The following IDO2 variants were observed in gnomAD, a reference collection of about 807,000 sequenced individuals.
The protein encoded by IDO2 is indoleamine 2,3-dioxygenase 2, also known as indoleamine 2,3-dioxygenase-like 1 protein.
In IDO2, 46 loss-of-function variants were observed where a neutral mutation model predicts 45.1. The ratio of observed to expected loss-of-function variants is 1.02; its 90% CI spans 0.80 to 1.30. The LOEUF is 1.30. Ranked by LOEUF, IDO2 falls within the 50% of genes most tolerant of loss-of-function variation. IDO2 has a pLI of 0.00. For missense variants in IDO2, 544 were observed against 491.8 expected, an observed-to-expected ratio of 1.11 and a Z score of -1.00; for synonymous variants, 218 against 184.9, an observed-to-expected ratio of 1.18 and a Z score of -1.45.
At chr8:39,975,576 T>G (rs983904433) in intron 3 of IDO2, among the ~76,000 whole-genome samples, 1 of 152,086 alleles carries the variant, frequency 6.6e-6, no homozygotes, top group Admixed American at 6.6e-5. Flanking sequence ...AAAACCATAA[T>G]GGGATAGCAT....
Position 40,005,383 on chromosome 8 carries a change from G to A in IDO2, c.719+5G>A. On this transcript the variant is annotated splice_donor_5th_base_variant and intron_variant, in intron 9 of 10. Transcript: ENST00000502986. Reference sequence around the variant, plus strand: ...CATCCGGATCTTTCTCTCTGGGTAAGTATAGTTCAGTTGTTTTCCTGTGTG... The same window carrying A: ...CATCCGGATCTTTCTCTCTGGGTAAATATAGTTCAGTTGTTTTCCTGTGTG... 2 of 1,545,736 alleles carry A rather than the reference G, an allele frequency of 1.3e-6. No homozygotes were observed. The highest frequency in any genetic ancestry group is 1.8e-6 in the Non-Finnish European group (2 of 1,133,748).
intron 2 of IDO2, among the ~76,000 whole-genome samples, chr8:39,956,799 C>A (rs937819928): frequency 4.6e-5 from 7 of 152,034 alleles, no homozygotes; most frequent in African/African-American, 1.7e-4. Context: ...GTAACCCCAG[C>A]ACTTTGGGAG....
At chr8:39,949,557 A>T (rs1323296884) in intron 2 of IDO2, among the ~76,000 whole-genome samples, 1 of 152,208 alleles carries the variant, frequency 6.6e-6, no homozygotes, top group African/African-American at 2.4e-5. Context: ...CATGAACTTA[A>T]ATATAAATAA....
intron 8 of IDO2, chr8:39,998,408 C>T (rs1470491324): frequency 1.3e-5 from 2 of 152,102 alleles, no homozygotes; most frequent in East Asian, 3.9e-4. Flanking sequence ...CATCATGAGG[C>T]TCTATATAAC....
chr8:39,985,069 T>C (rs951302521), intron 5 of IDO2: 4 of 310,950 alleles, frequency 1.3e-5, no homozygotes, highest in South Asian at 5.5e-5. Flanking sequence ...GTAGCTGGGA[T>C]TGCAGGCACC....
intron 10 of IDO2, among the ~76,000 whole-genome samples, chr8:40,014,494 G>A (rs1240002262): frequency 6.6e-6 from 1 of 152,048 alleles, no homozygotes; most frequent in Admixed American, 6.6e-5. Context: ...GCCTTCACGG[G>A]CTTTATATAA....
chr8:39,984,959 T>A (rs1223852880), intron 5 of IDO2: 2 of 420,524 alleles, frequency 4.8e-6, no homozygotes, highest in African/African-American at 4.1e-5. Context: ...AGAGACGGAG[T>A]CTCCCTCTGT....
intron 8 of IDO2, chr8:39,998,305 T>C (rs1802080491): frequency 6.6e-6 from 1 of 152,228 alleles, no homozygotes; most frequent in East Asian, 1.9e-4. Flanking sequence ...AAAATGTATA[T>C]TTTGTTCTCT....
At chr8:39,959,570 T>C (rs11783682) in intron 2 of IDO2, among the ~76,000 whole-genome samples, 28,729 of 152,130 alleles carry the variant, frequency 0.19, 2,721 homozygotes, top group East Asian at 0.27. Context: ...ACCTGTAATC[T>C]TAGCACTTTG....
intron 2 of IDO2, among the ~76,000 whole-genome samples, chr8:39,960,003 T>C (rs1295095826): frequency 6.6e-6 from 1 of 152,088 alleles, no homozygotes; most frequent in Admixed American, 6.6e-5. Flanking sequence ...TCAGAGATTG[T>C]GAGTAGGATG....
At chr8:40,015,777 G>A in exon 11 of IDO2, 1 of 595,996 alleles carries the variant, frequency 1.7e-6, no homozygotes, top group Non-Finnish European at 3.0e-6. Context: ...ACAAAGGAGA[G>A]TTGATGTGGC....
chr8:39,945,888 A>G (rs1477135696), intron 1 of IDO2, among the ~76,000 whole-genome samples: 1 of 152,226 alleles, frequency 6.6e-6, no homozygotes, highest in Non-Finnish European at 1.5e-5. Flanking sequence ...GTCCTTATTC[A>G]TTCCCGGGCA....
At chr8:39,986,401 A>T (rs1026670357) in intron 6 of IDO2, 3 of 152,196 alleles carry the variant, frequency 2.0e-5, no homozygotes, top group Non-Finnish European at 2.9e-5. Context: ...AAAACTGGGC[A>T]GATGGGGGCA....
chr8:39,962,625 A>G (rs530935875), intron 2 of IDO2, among the ~76,000 whole-genome samples: 1 of 152,234 alleles, frequency 6.6e-6, no homozygotes, highest in South Asian at 2.1e-4. Context: ...GGAATTTATT[A>G]AGCAAAAGGG....
At chr8:39,999,716 G>A (rs1455264787) in intron 8 of IDO2, among the ~76,000 whole-genome samples, 3 of 152,182 alleles carry the variant, frequency 2.0e-5, no homozygotes, top group African/African-American at 7.2e-5. Flanking sequence ...CACCACCTTG[G>A]TCTCCCAAAG....
At chr8:39,993,227 T>G (rs72630551) in intron 8 of IDO2, among the ~76,000 whole-genome samples, 11,245 of 147,956 alleles carry the variant, frequency 0.076, 609 homozygotes, top group East Asian at 0.35. Context: ...AAGACATGTG[T>G]TTTTTTTTTT....
chr8:39,949,835 G>C (rs1221979054), intron 2 of IDO2, among the ~76,000 whole-genome samples: 4 of 152,134 alleles, frequency 2.6e-5, no homozygotes, highest in East Asian at 1.9e-4. Flanking sequence ...AGGAAACTTG[G>C]GTGCTTTCAG....
chr8:40,007,764 C>T (rs1802244029), intron 9 of IDO2, among the ~76,000 whole-genome samples: 1 of 152,166 alleles, frequency 6.6e-6, no homozygotes, highest in South Asian at 2.1e-4. Flanking sequence ...CATTGTTTCA[C>T]AATTCTGTAA....
intron 8 of IDO2, among the ~76,000 whole-genome samples, chr8:39,992,044 A>T (rs1280566346): frequency 6.6e-6 from 1 of 152,210 alleles, no homozygotes; most frequent in Non-Finnish European, 1.5e-5. Context: ...ACATTCATCT[A>T]TATGGACAAA....
Sources: allele counts gnomAD v4.1 joint callset (sites outside exome capture counted in the v4.1 genomes callset), GRCh38; gene constraint gnomAD v4.1.1; transcripts MANE v1.5; gene names NCBI Gene and HGNC (gene_info 2026-07-23, HGNC 2026-07-21).